Variants in PTPRG observed in about 807,000 individuals in gnomAD.
PTPRG encodes receptor-type tyrosine-protein phosphatase gamma.
Under a neutral mutation model 165.3 loss-of-function variants are expected in PTPRG, and 102 were observed. The ratio of observed to expected loss-of-function variants is 0.62; its 90% CI spans 0.53 to 0.73. The LOEUF is 0.73. Ranked by LOEUF, PTPRG falls within the 30% of genes least tolerant of loss-of-function variation. The pLI is 0.00. For synonymous variants in PTPRG, 675 were observed against 669.5 expected (o/e 1.01, Z -0.13); for missense variants, 1,866 against 1,861.4 (o/e 1.00, Z -0.05).
intron 1 of PTPRG, chr3:61,743,122 G>T: frequency 7.5e-7 from 1 of 1,337,708 alleles, no homozygotes; most frequent in Non-Finnish European, 1.1e-6. Flanking sequence ...CTCACGCCGC[G>T]CTAACCGGAA....
rs565427104 is a variant in PTPRG at position 62,190,755 on chromosome 3, C to T, written c.1034-714C>T. Among the ~76,000 whole-genome samples the T allele has an allele frequency of 1.3e-5, 2 of 152,294 alleles. No homozygotes were observed. The highest frequency in any genetic ancestry group is 2.4e-5 in the African/African-American group (1 of 41,544). ...GTCTACAATTTTAGTTAGCACACTCCACCAGTCCAACGGCCTGGCTTCTTC... is the reference window on the plus strand; with the variant it reads ...GTCTACAATTTTAGTTAGCACACTCTACCAGTCCAACGGCCTGGCTTCTTC... On this transcript the variant is annotated intron_variant, in intron 8 of 29. Transcript: ENST00000474889. The surrounding 1 kb of genome is among the most constrained non-coding windows in gnomAD (Gnocchi z 5.2).
intron 1 of PTPRG, among the ~76,000 whole-genome samples, chr3:61,680,287 G>GA (rs1246800567): frequency 2.0e-5 from 3 of 152,050 alleles, no homozygotes; most frequent in Non-Finnish European, 2.9e-5. Context: ...TGGCGGTAAG[G>GA]AAAGTAGAGT....
At chr3:61,894,301 CAAAAAAAAAAAAAAA>C (rs767479285) in intron 2 of PTPRG, among the ~76,000 whole-genome samples, 10 of 49,850 alleles carry the variant, frequency 2.0e-4, no homozygotes, top group Admixed American at 1.6e-3. Flanking sequence ...GACTCTGTGT[CAAAAAAAAAAAAAAA>C]AAAAAAAAAA....
intron 20 of PTPRG, among the ~76,000 whole-genome samples, chr3:62,270,507 C>G (rs1702025578): frequency 6.6e-6 from 1 of 152,140 alleles, no homozygotes; most frequent in African/African-American, 2.4e-5. Context: ...GGTATTTAAA[C>G]AGGGCCCACT....
intron 1 of PTPRG, among the ~76,000 whole-genome samples, chr3:61,564,486 C>T (rs1699857038): frequency 6.6e-6 from 1 of 152,168 alleles, no homozygotes; most frequent in South Asian, 2.1e-4. Flanking sequence ...TTCTCATTTT[C>T]TTTTCGCGCC....
intron 12 of PTPRG, among the ~76,000 whole-genome samples, chr3:62,206,422 C>T (rs1700231556): frequency 6.6e-6 from 1 of 152,158 alleles, no homozygotes; most frequent in Non-Finnish European, 1.5e-5. Context: ...AGTCTTAGTC[C>T]CGTGTCCTCG....
intron 1 of PTPRG, among the ~76,000 whole-genome samples, chr3:61,690,878 C>T (rs1461116242): frequency 6.6e-6 from 1 of 151,978 alleles, no homozygotes; most frequent in Non-Finnish European, 1.5e-5. Flanking sequence ...GATCTCAGAG[C>T]TGTCTTCCTT....
intron 1 of PTPRG, among the ~76,000 whole-genome samples, chr3:61,631,221 T>C (rs1029188509): frequency 6.7e-6 from 1 of 150,354 alleles, no homozygotes; most frequent in Non-Finnish European, 1.5e-5. Flanking sequence ...AAAAAAAAAA[T>C]GGGTAGCAAC....
At chr3:62,292,930 A>C (rs1403335486) in intron 29 of PTPRG, among the ~76,000 whole-genome samples, 1 of 152,218 alleles carries the variant, frequency 6.6e-6, no homozygotes, top group African/African-American at 2.4e-5. Context: ...ATTAACAATC[A>C]GCACTGAGAA....
At chr3:61,718,231 G>T (rs1298683701) in intron 1 of PTPRG, among the ~76,000 whole-genome samples, 2 of 127,926 alleles carry the variant, frequency 1.6e-5, no homozygotes, top group South Asian at 5.1e-4. Context: ...AAAAAAAAAC[G>T]CAGACTCAGA....
At chr3:62,094,256 T>C (rs1313622748) in intron 5 of PTPRG, among the ~76,000 whole-genome samples, 2 of 152,098 alleles carry the variant, frequency 1.3e-5, no homozygotes, top group Non-Finnish European at 2.9e-5. Context: ...CCCTACCCCC[T>C]TTTTCTTCCA....
At chr3:61,596,014 G>T (rs1700691116) in intron 1 of PTPRG, among the ~76,000 whole-genome samples, 1 of 152,080 alleles carries the variant, frequency 6.6e-6, no homozygotes, top group Admixed American at 6.6e-5. Flanking sequence ...ATCCATTTAG[G>T]CAGAAGGACA....
Position 62,271,505 on chromosome 3 carries a change from A to G in PTPRG, c.3132A>G (p.Arg1044=), listed in dbSNP as rs749343865. ...YALPVLTFVR[R]SSAARMPETG... ...TTCCAGTACTGACTTTCGTGAGGAG[A>G]TCCTCAGCAGCTCGGATGCCAGAAA... The change falls in exon 21 of 30, where the codon AGA becomes AGG. Residue 1044 remains arginine (R), a synonymous_variant. Transcript: ENST00000474889. This position sits in a 1 kb window ranked among gnomAD's most constrained non-coding sequence, Gnocchi z 4.1. 2.5e-6 allele frequency: 4 copies of G among 1,613,926 alleles called. No homozygotes were observed. The Admixed American group carries it at 6.7e-5, about 27-fold the overall frequency.
chr3:61,914,172 C>G (rs1281174108), intron 2 of PTPRG, among the ~76,000 whole-genome samples: 1 of 152,122 alleles, frequency 6.6e-6, no homozygotes, highest in Non-Finnish European at 1.5e-5. Flanking sequence ...TTAAAGATTC[C>G]ACTGATCTCT....
intron 4 of PTPRG, among the ~76,000 whole-genome samples, chr3:62,030,982 A>G (rs570727769): frequency 1.0e-3 from 155 of 152,352 alleles, no homozygotes; most frequent in African/African-American, 3.6e-3. Flanking sequence ...CACTATTGTA[A>G]GAAATTCTGA....
At chr3:61,790,894 A>G (rs2034849846) in intron 2 of PTPRG, among the ~76,000 whole-genome samples, 2 of 152,138 alleles carry the variant, frequency 1.3e-5, no homozygotes, top group African/African-American at 2.4e-5. Flanking sequence ...ACTTTTTTGA[A>G]TATCAATAAG....
intron 2 of PTPRG, among the ~76,000 whole-genome samples, chr3:61,842,148 A>T (rs2036656322): frequency 6.6e-6 from 1 of 152,242 alleles, no homozygotes; most frequent in Admixed American, 6.5e-5. Context: ...CCTGTCTCTG[A>T]GTATGCATCA....
At position 62,224,082 on chromosome 3, in the gene PTPRG, G is replaced by T. The variant is rs543671213; in HGVS notation, c.2288+5099G>T. Among the ~76,000 whole-genome samples the T allele has an allele frequency of 6.6e-6, 1 of 152,230 alleles. No individual in the cohort carries two copies. The highest frequency in any genetic ancestry group is 1.9e-4 in the East Asian group (1 of 5,186). On this transcript the variant is annotated intron_variant, in intron 13 of 29. Coordinates refer to ENST00000474889, the MANE Select transcript of PTPRG (RefSeq NM_002841.4). The surrounding 1 kb of genome is among the most constrained non-coding windows in gnomAD (Gnocchi z 4.9). ...GGGTGACTATAATGTTAATGAAATT[G>T]GTTTGGGTGATGCTCCTAATAGGCC...
chr3:62,102,647 C>A (rs1702331812), intron 5 of PTPRG, among the ~76,000 whole-genome samples: 1 of 152,064 alleles, frequency 6.6e-6, no homozygotes, highest in Non-Finnish European at 1.5e-5. Context: ...ATACTGGTTG[C>A]TAGGAAATCT....
Sources: gnomAD v4.1 joint callset for allele counts (sites outside exome capture counted in the v4.1 genomes callset) on GRCh38, gnomAD v4.1.1 for gene constraint, Gnocchi (gnomAD v3.1) non-coding constraint, MANE v1.5 for transcripts, NCBI Gene and HGNC (gene_info 2026-07-23, HGNC 2026-07-21) for gene names.